The following SLC9B2 variants were observed in gnomAD, a reference collection of about 807,000 sequenced individuals.
The protein encoded by SLC9B2 is solute carrier family 9 member B2.
A neutral mutation model predicts 52.2 loss-of-function variants in SLC9B2; 39 were observed. That is an observed-to-expected ratio of 0.75 (90% confidence interval 0.58 to 0.98). SLC9B2 has a LOEUF of 0.98. SLC9B2 is among the 50% of genes least tolerant of loss of function. The pLI, the probability that SLC9B2 is intolerant of heterozygous loss-of-function variation, is 0.00. For missense variants in SLC9B2, 626 were observed against 637.5 expected (o/e 0.98, Z 0.19); for synonymous variants, 214 against 227.0 (o/e 0.94, Z 0.51).
intron 7 of SLC9B2, among the ~76,000 whole-genome samples, chr4:103,045,537 T>C (rs1744043536): frequency 6.7e-6 from 1 of 149,772 alleles, no homozygotes; most frequent in African/African-American, 2.4e-5. Context: ...AAAAAAGTCT[T>C]GGGCCCCACC....
chr4:103,066,376 T>C lies in SLC9B2; in HGVS notation c.222A>G (p.Gln74=). The C allele has an allele frequency of 6.2e-7, 1 of 1,614,130 alleles. No individual in the cohort carries two copies. The highest frequency in any genetic ancestry group is 8.5e-7 in the Non-Finnish European group (1 of 1,179,962). The change falls in exon 3 of 12, where the codon CAA becomes CAG. Residue 74 remains glutamine (Q), a synonymous_variant. Coordinates refer to ENST00000394785, the MANE Select transcript of SLC9B2 (RefSeq NM_178833.7). The stretch of plus-strand genomic sequence containing the variant: ...AACCATGTGGAGGGCAAGCCAGCAT[T>C]TGTCTCAGTCTTTGTACGTGATTTG... ...TEANHVQRLR[Q]MLACPPHGLL...
intron 9 of SLC9B2, among the ~76,000 whole-genome samples, chr4:103,035,406 C>A (rs1381657905): frequency 2.0e-5 from 3 of 152,018 alleles, no homozygotes; most frequent in Non-Finnish European, 4.4e-5. Flanking sequence ...ATGTTGATTT[C>A]ATGTCTTTAC....
At chr4:103,053,056 A>G (rs1225246244) in intron 4 of SLC9B2, among the ~76,000 whole-genome samples, 3 of 151,994 alleles carry the variant, frequency 2.0e-5, no homozygotes, top group African/African-American at 7.2e-5. Context: ...AAAATTTTGT[A>G]TTATGAAAAT....
rs111977621 is a variant in SLC9B2 at position 103,036,680 on chromosome 4, A to G, written c.1147-4872T>C. 1.9e-3 allele frequency among the ~76,000 whole-genome samples: 288 copies of G among 151,996 alleles called. 5 individuals are homozygous for G. The highest frequency in any genetic ancestry group is 6.7e-3 in the African/African-American group (278 of 41,462). ...TTTTTTTTTCAAGGGGGAACACCAC[A>G]TTGGAAAAATACTAAAAGGTTTTAA... On this transcript the variant is annotated intron_variant, in intron 9 of 11. Transcript: ENST00000394785.
Position 103,023,570 on chromosome 4 carries a change from A to G in SLC9B2, c.*2800T>C, listed in dbSNP as rs1227289501. Among the ~76,000 whole-genome samples the G allele has an allele frequency of 6.6e-6, 1 of 152,186 alleles. No individual in the cohort carries two copies. Among genetic ancestry groups the G allele is most frequent in the South Asian group, 2.1e-4 (1 of 4,828 alleles). ...CCTCACCATCTCCATGATATATAAC[A>G]GCAACATAGTCTTATAGCAATTAAT... On this transcript the variant is annotated 3_prime_UTR_variant, in exon 12 of 12. Transcript: ENST00000394785.
intron 2 of SLC9B2, 123 bp from the exon 3 acceptor site, chr4:103,066,630 G>A: frequency 1.1e-6 from 1 of 901,882 alleles, no homozygotes; most frequent in Non-Finnish European, 1.6e-6. Context: ...ACACTTTGTA[G>A]AAAAAACTCA....
In SLC9B2 at chr4:103,044,535, C is replaced by T. The variant is rs1025957569; in HGVS notation, c.996+355G>A. ...TGGGACTACCAGGCCTGGCTAGAAT[C>T]TAAGGTATTTTGATACTAAAAAAGG... On this transcript the variant is annotated intron_variant, in intron 8 of 11. Transcript: ENST00000394785. 3.9e-5 allele frequency among the ~76,000 whole-genome samples: 6 copies of T among 152,196 alleles called. No homozygotes were observed. In the Middle Eastern group the frequency reaches 0.01, roughly 259 times the overall value.
chr4:103,044,588 T>C (rs1743937437), intron 8 of SLC9B2, among the ~76,000 whole-genome samples: 1 of 152,112 alleles, frequency 6.6e-6, no homozygotes, highest in African/African-American at 2.4e-5. Flanking sequence ...TATATCTGGG[T>C]TTAGTTGAGT....
At chr4:103,068,377 A>G (rs1746333461) in intron 1 of SLC9B2, among the ~76,000 whole-genome samples, 1 of 152,230 alleles carries the variant, frequency 6.6e-6, no homozygotes, top group Non-Finnish European at 1.5e-5. Context: ...CATGTGTCAC[A>G]GTTCTACATA....
At chr4:103,065,068 A>T (rs1745991901) in intron 3 of SLC9B2, among the ~76,000 whole-genome samples, 1 of 151,956 alleles carries the variant, frequency 6.6e-6, no homozygotes, top group South Asian at 2.1e-4. Flanking sequence ...AGGAAAAAAA[A>T]GGTTGGGTGG....
At position 103,026,157 on chromosome 4, in the gene SLC9B2, G is replaced by A; in HGVS notation, c.*213C>T. The stretch of plus-strand genomic sequence containing the variant: ...TGCAAATTAAGATGGATGATGAAGG[G>A]GTGTTTGAAAAAAAAGGCAGAGAGA... On this transcript the variant is annotated 3_prime_UTR_variant, in exon 12 of 12. Transcript: ENST00000394785. 1 of 472,420 alleles carries A rather than the reference G, an allele frequency of 2.1e-6. No homozygotes were observed. The highest frequency in any genetic ancestry group is 3.3e-5 in the East Asian group (1 of 30,030). 29.3% of individuals were successfully genotyped at this position (472,420 alleles called of 1,614,324 possible).
chr4:103,019,190 G>A (rs1038923245), downstream of SLC9B2, among the ~76,000 whole-genome samples: 6 of 152,086 alleles, frequency 3.9e-5, no homozygotes, highest in Admixed American at 2.0e-4. Context: ...TCTCAGGATC[G>A]GCAACCAATC....
chr4:103,029,955 A>AT (rs1414325989), intron 10 of SLC9B2, among the ~76,000 whole-genome samples: 1 of 152,160 alleles, frequency 6.6e-6, no homozygotes, highest in African/African-American at 2.4e-5. Flanking sequence ...AATCTGCCAT[A>AT]TGGCTTTTTT....
intron 9 of SLC9B2, among the ~76,000 whole-genome samples, chr4:103,032,970 C>T (rs1241388857): frequency 3.3e-5 from 5 of 152,154 alleles, no homozygotes; most frequent in African/African-American, 1.2e-4. Context: ...TTAAGGATGT[C>T]TTCACATCTT....
rs371420168 is a variant in SLC9B2 at position 103,067,557 on chromosome 4, T to C, written c.-7A>G. 1.1e-4 allele frequency: 177 copies of C among 1,595,602 alleles called. No individual in the cohort carries two copies. Among genetic ancestry groups the C allele is most frequent in the Non-Finnish European group, 1.3e-4 (157 of 1,163,918 alleles). On this transcript the variant is annotated 5_prime_UTR_variant, in exon 2 of 12. Coordinates refer to ENST00000394785, the MANE Select transcript of SLC9B2 (RefSeq NM_178833.7). Reference sequence around the variant, plus strand: ...TTTTATCTTCATCCCCCATTATTTATAATTAAGAAGATGACACAGGGAAGA... The same window carrying C: ...TTTTATCTTCATCCCCCATTATTTACAATTAAGAAGATGACACAGGGAAGA...
At chr4:103,020,253 G>GGTT (rs71596388), downstream of SLC9B2, 2 of 364,022 alleles carry the variant, frequency 5.5e-6, no homozygotes, top group Admixed American at 3.8e-5. Context: ...ACCTTTGTGA[G>GGTT]TTTTTTTTTT....
chr4:103,026,854 A>G (rs1003690157), intron 11 of SLC9B2, among the ~76,000 whole-genome samples: 1 of 152,190 alleles, frequency 6.6e-6, no homozygotes, highest in African/African-American at 2.4e-5. Context: ...AAAATAAAAA[A>G]AAAGAAAGTT....
downstream of SLC9B2, chr4:103,020,349 C>CCCA: frequency 2.2e-6 from 1 of 449,158 alleles, no homozygotes; most frequent in Non-Finnish European, 4.4e-6. Flanking sequence ...GAAGCTTTGG[C>CCCA]CTTTCAGTCC....
At chr4:103,043,550 G>A (rs1477843504) in intron 8 of SLC9B2, 105 bp from the exon 9 acceptor site, 9 of 1,091,092 alleles carry the variant, frequency 8.2e-6, no homozygotes, top group African/African-American at 3.2e-5. Flanking sequence ...AAATTAAAAT[G>A]TCTATATAAA....
Sources: allele counts gnomAD v4.1 joint callset (sites outside exome capture counted in the v4.1 genomes callset), GRCh38; gene constraint gnomAD v4.1.1; transcripts MANE v1.5; gene names NCBI Gene and HGNC (gene_info 2026-07-23, HGNC 2026-07-21).